The following NET1 variants were observed in gnomAD, a reference collection of about 807,000 sequenced individuals.
The protein encoded by NET1 is neuroepithelial cell-transforming gene 1 protein.
A neutral mutation model predicts 61.1 loss-of-function variants in NET1; 42 were observed. The observed-to-expected ratio is 0.69, with a 90% CI of 0.54 to 0.89. The LOEUF (loss-of-function observed/expected upper bound fraction) is 0.89. Among genes scored for constraint, NET1 ranks in the 40% least tolerant of loss-of-function variants. The pLI is 0.00. For missense variants in NET1, 654 were observed against 747.3 expected (o/e 0.88, Z 1.46); for synonymous variants, 254 against 281.8 (o/e 0.90, Z 0.99).
Position 5,412,907 on chromosome 10 carries a change from G to C in NET1, c.128+87G>C. On this transcript the variant is annotated intron_variant, in intron 1 of 11. Transcript: ENST00000355029. The surrounding 1 kb of genome is among the most constrained non-coding windows in gnomAD (Gnocchi z 6.5). The stretch of plus-strand genomic sequence containing the variant: ...GGGAGGTGAGTGTTGGAGAGGCAAG[G>C]GCCGGGGGGAGGGGAGGGCTGGCCG... The C allele has an allele frequency of 1.7e-6, 2 of 1,209,714 alleles. No homozygotes were observed. Among genetic ancestry groups the C allele is most frequent in the Non-Finnish European group, 2.1e-6 (2 of 959,992 alleles). The allele number at this position is 1,209,714 out of a possible 1,614,324, so 74.9% of individuals were successfully genotyped here. A position where few individuals can be genotyped will look rare whatever the true frequency, so the allele number is the denominator to read the frequency against.
In NET1 at chr10:5,426,126, T is replaced by C. The variant is rs1458797990; in HGVS notation, c.129-529T>C. 3.3e-5 allele frequency among the ~76,000 whole-genome samples: 5 copies of C among 152,214 alleles called. No individual in the cohort carries two copies. Among genetic ancestry groups the C allele is most frequent in the African/African-American group, 7.2e-5 (3 of 41,474 alleles). ...ACATTTTAATCTTGAGATCTTTGTC[T>C]CAAATGTAGTTATTCATAGCTTTGT... On this transcript the variant is annotated intron_variant, in intron 1 of 11. Transcript: ENST00000355029. This position sits in a 1 kb window ranked among gnomAD's most constrained non-coding sequence, Gnocchi z 4.6.
Position 5,415,440 on chromosome 10 carries a change from CT to C in NET1, c.128+2632del, listed in dbSNP as rs55784274. 4.8e-5 allele frequency among the ~76,000 whole-genome samples: 7 copies of C among 145,256 alleles called. 1 individual carries two copies. In the East Asian group the frequency reaches 6.1e-4, roughly 13 times the overall value. On this transcript the variant is annotated intron_variant, in intron 1 of 11. Coordinates refer to ENST00000355029, the MANE Select transcript of NET1 (RefSeq NM_001047160.3). The surrounding 1 kb of genome is among the most constrained non-coding windows in gnomAD (Gnocchi z 4.7). ...CATTTTTGGTGGGCCATCCTTTGCT[CT>C]TTTTTTTTTTTCTTTTGAGACGGAG...
chr10:5,436,888 A>G (rs1832446199), intron 3 of NET1, among the ~76,000 whole-genome samples: 1 of 152,310 alleles, frequency 6.6e-6, no homozygotes. Context: ...TAAGATAATA[A>G]AACATTGTTT....
rs144968990 is a variant in NET1, at chr10:5,435,472, C to T, written c.255+6243C>T. The stretch of plus-strand genomic sequence containing the variant: ...CATTCTACTTTATATGCCTCCGTGC[C>T]TGAGATAGATAGATAGATAGATAGA... On this transcript the variant is annotated intron_variant, in intron 3 of 11. Coordinates refer to ENST00000355029, the MANE Select transcript of NET1 (RefSeq NM_001047160.3). This position sits in a 1 kb window ranked among gnomAD's most constrained non-coding sequence, Gnocchi z 5.0. Among the ~76,000 whole-genome samples, 1,478 of 148,088 alleles carry T rather than the reference C, an allele frequency of 1.0e-2. 27 individuals carry two copies. The highest frequency in any genetic ancestry group is 0.036 in the African/African-American group (1,416 of 39,812).
At position 5,423,676 on chromosome 10, in the gene NET1, G is replaced by A. The variant is rs909095614; in HGVS notation, c.129-2979G>A. Among the ~76,000 whole-genome samples, 3 of 152,222 alleles carry A rather than the reference G, an allele frequency of 2.0e-5. No homozygotes were observed. Among genetic ancestry groups the A allele is most frequent in the South Asian group, 4.1e-4 (2 of 4,828 alleles). On this transcript the variant is annotated intron_variant, in intron 1 of 11. Transcript: ENST00000355029. This position sits in a 1 kb window ranked among gnomAD's most constrained non-coding sequence, Gnocchi z 4.4. Reference sequence around the variant, plus strand: ...TTTCGCTCTACATTTCATCCTTTAAGCCCTCCTTTTTAGGAGGTTATTCTG... The same window carrying A: ...TTTCGCTCTACATTTCATCCTTTAAACCCTCCTTTTTAGGAGGTTATTCTG...
At position 5,445,258 on chromosome 10, in the gene NET1, C is replaced by CAAAATATT. The variant is rs541731739; in HGVS notation, c.256-6571_256-6570insAAATATTA. On this transcript the variant is annotated intron_variant, in intron 3 of 11. Coordinates refer to ENST00000355029, the MANE Select transcript of NET1 (RefSeq NM_001047160.3). ...ATGAAAAATATTACATTCAAGGCCG[C>CAAAATATT]ACAGACATAACATCTTAAACCTCTT... Among the ~76,000 whole-genome samples the CAAAATATT allele has an allele frequency of 6.7e-4, 102 of 152,304 alleles. 1 individual carries two copies. In the East Asian group the frequency reaches 0.013, roughly 20 times the overall value.
rs1832635686 is a variant in NET1, at chr10:5,447,594, TTTCC to T, written c.256-4235_256-4232del. On this transcript the variant is annotated intron_variant, in intron 3 of 11. Transcript: ENST00000355029. The surrounding 1 kb of genome is among the most constrained non-coding windows in gnomAD (Gnocchi z 4.1). ...GTGTATCTCTTGATTGTGGTAGTGGTTTCCGTCTCTATACACACGTCAAAACTTA... is the reference window on the plus strand; with the variant it reads ...GTGTATCTCTTGATTGTGGTAGTGGTGTCTCTATACACACGTCAAAACTTA... Among the ~76,000 whole-genome samples the T allele has an allele frequency of 6.6e-6, 1 of 152,236 alleles. No individual in the cohort carries two copies. Among genetic ancestry groups the T allele is most frequent in the African/African-American group, 2.4e-5 (1 of 41,460 alleles).
Position 5,412,666 on chromosome 10 carries a change from C to A in NET1, c.-27C>A. 1.4e-6 allele frequency: 2 copies of A among 1,454,702 alleles called. No homozygotes were observed. The highest frequency in any genetic ancestry group is 1.8e-6 in the Non-Finnish European group (2 of 1,115,358). 90.1% of individuals were successfully genotyped at this position (1,454,702 alleles called of 1,614,324 possible). ...CCCTGCCGGTCTCCCGGGCACCCGG[C>A]CACCGCCCCACCCCCTCCTCCGTGC... On this transcript the variant is annotated 5_prime_UTR_variant, in exon 1 of 12. Transcript: ENST00000355029. The surrounding 1 kb of genome is among the most constrained non-coding windows in gnomAD (Gnocchi z 6.5).
At position 5,421,812 on chromosome 10, in the gene NET1, C is replaced by T. The variant is rs1011050543; in HGVS notation, c.129-4843C>T. ...ACCCCAGCCCTAGGCAGCCACTGATCTGCTTTCTAGCTCTATAAATTTCTA... is the reference window on the plus strand; with the variant it reads ...ACCCCAGCCCTAGGCAGCCACTGATTTGCTTTCTAGCTCTATAAATTTCTA... On this transcript the variant is annotated intron_variant, in intron 1 of 11. Coordinates refer to ENST00000355029, the MANE Select transcript of NET1 (RefSeq NM_001047160.3). The surrounding 1 kb of genome is among the most constrained non-coding windows in gnomAD (Gnocchi z 4.2). 6.6e-6 allele frequency among the ~76,000 whole-genome samples: 1 copy of T among 152,216 alleles called. No homozygotes were observed. Among genetic ancestry groups the T allele is most frequent in the African/African-American group, 2.4e-5 (1 of 41,460 alleles).
intron 3 of NET1, among the ~76,000 whole-genome samples, chr10:5,433,127 C>T (rs1399215246): frequency 6.6e-6 from 1 of 152,144 alleles, no homozygotes; most frequent in Non-Finnish European, 1.5e-5. Context: ...AATAGTTTGT[C>T]AGAGCTTTTA....
chr10:5,436,180 TGTGTGTTGTGTG>T (rs1404794668), intron 3 of NET1, among the ~76,000 whole-genome samples: 10 of 64,800 alleles, frequency 1.5e-4, no homozygotes, highest in African/African-American at 5.6e-4. Flanking sequence ...TGTGTGTGTG[TGTGTGTTGTGTG>T]TGTGTGTGTG....
intron 1 of NET1, among the ~76,000 whole-genome samples, chr10:5,414,106 T>C (rs10904497): frequency 0.25 from 37,860 of 151,832 alleles, 4,977 homozygotes; most frequent in Non-Finnish European, 0.29. Flanking sequence ...AGCAAATGAG[T>C]CTGATGAGTT....
chr10:5,458,646 T>C lies in NET1; in HGVS notation c.*1652T>C, dbSNP rs1432626688. Among the ~76,000 whole-genome samples, 2 of 152,196 alleles carry C rather than the reference T, an allele frequency of 1.3e-5. No individual in the cohort carries two copies. The highest frequency in any genetic ancestry group is 1.5e-5 in the Non-Finnish European group (1 of 68,030). ...TGTGTTAGGAAATCTTTTAAGAACA[T>C]GGTGTAATCAGACACAGCAATTGTA... On this transcript the variant is annotated 3_prime_UTR_variant, in exon 12 of 12. Transcript: ENST00000355029. The surrounding 1 kb of genome is among the most constrained non-coding windows in gnomAD (Gnocchi z 4.5).
At position 5,449,946 on chromosome 10, in the gene NET1, T is replaced by A. The variant is rs1469577759; in HGVS notation, c.256-1884T>A. ...CTTTCTGACAACTGCTTTGTTCCAGTGAAATGTCGGCATTTCTTACTCTGT... is the reference window on the plus strand; with the variant it reads ...CTTTCTGACAACTGCTTTGTTCCAGAGAAATGTCGGCATTTCTTACTCTGT... On this transcript the variant is annotated intron_variant, in intron 3 of 11. Transcript: ENST00000355029. This position sits in a 1 kb window ranked among gnomAD's most constrained non-coding sequence, Gnocchi z 4.4. Among the ~76,000 whole-genome samples, 1 of 152,208 alleles carries A rather than the reference T, an allele frequency of 6.6e-6. No individual in the cohort carries two copies. The highest frequency in any genetic ancestry group is 2.4e-5 in the African/African-American group (1 of 41,450).
In NET1 at chr10:5,455,121, A is replaced by G. The variant is rs771260554; in HGVS notation, c.1197+3A>G. The G allele has an allele frequency of 5.0e-5, 80 of 1,612,614 alleles. No individual in the cohort carries two copies. The highest frequency in any genetic ancestry group is 6.7e-5 in the Non-Finnish European group (79 of 1,179,748). ...AGCTGCGGAGCAAGAGTGGACATGT[A>G]GGTGACTTTTGCTGCCGTGGCAGAG... On this transcript the variant is annotated splice_donor_region_variant and intron_variant, in intron 10 of 11. Coordinates refer to ENST00000355029, the MANE Select transcript of NET1 (RefSeq NM_001047160.3). The surrounding 1 kb of genome is among the most constrained non-coding windows in gnomAD (Gnocchi z 6.5).
intron 3 of NET1, among the ~76,000 whole-genome samples, chr10:5,450,581 T>C (rs909072566): frequency 6.6e-6 from 1 of 152,152 alleles, no homozygotes; most frequent in African/African-American, 2.4e-5. Context: ...CTTCTTCTGT[T>C]ATTTTTAAAT....
At chr10:5,448,313 C>T (rs1052770425) in intron 3 of NET1, among the ~76,000 whole-genome samples, 8 of 152,166 alleles carry the variant, frequency 5.3e-5, no homozygotes, top group African/African-American at 7.2e-5. Flanking sequence ...TTTTCCATGT[C>T]GTTGCAGTTA....
chr10:5,425,749 C>T (rs1832249417), intron 1 of NET1, among the ~76,000 whole-genome samples: 1 of 152,174 alleles, frequency 6.6e-6, no homozygotes, highest in Non-Finnish European at 1.5e-5. Flanking sequence ...ATAGATGACT[C>T]CCTTGTTGTA....
intron 3 of NET1, among the ~76,000 whole-genome samples, chr10:5,435,000 C>G (rs1296185578): frequency 1.3e-5 from 2 of 152,130 alleles, no homozygotes; most frequent in African/African-American, 4.8e-5. Context: ...CTGCTCAGTA[C>G]AAATAGTGAA....
Sources: gnomAD v4.1 joint callset for allele counts (sites outside exome capture counted in the v4.1 genomes callset) on GRCh38, gnomAD v4.1.1 for gene constraint, Gnocchi (gnomAD v3.1) non-coding constraint, MANE v1.5 for transcripts, NCBI Gene and HGNC (gene_info 2026-07-23, HGNC 2026-07-21) for gene names.